The following GRIK2 variants were observed in gnomAD, a reference collection of about 807,000 sequenced individuals.
The protein encoded by GRIK2 is glutamate ionotropic receptor kainate type subunit 2.
Under a neutral mutation model 100.3 loss-of-function variants are expected in GRIK2, and 32 were observed. The ratio of observed to expected loss-of-function variants is 0.32; its 90% CI spans 0.24 to 0.43. GRIK2 has a LOEUF of 0.43. GRIK2 is among the 20% of genes least tolerant of loss of function. The pLI, the probability that GRIK2 is intolerant of heterozygous loss-of-function variation, is 1.00. For synonymous variants in GRIK2, 417 were observed against 389.4 expected, an observed-to-expected ratio of 1.07 and a Z score of -0.83; for missense variants, 843 against 1,114.9, an observed-to-expected ratio of 0.76 and a Z score of 3.47.
intron 2 of GRIK2, among the ~76,000 whole-genome samples, chr6:101,556,749 C>A (rs1240951974): frequency 2.6e-5 from 4 of 152,096 alleles, no homozygotes; most frequent in African/African-American, 9.7e-5. Flanking sequence ...ATATGGTAAG[C>A]ACCTGGCCAA....
chr6:101,903,614 C>T (rs974156269), intron 12 of GRIK2, among the ~76,000 whole-genome samples: 9 of 151,408 alleles, frequency 5.9e-5, no homozygotes, highest in South Asian at 2.1e-4. Flanking sequence ...TCAAATTTGC[C>T]GAACTAGTTT....
intron 7 of GRIK2, among the ~76,000 whole-genome samples, chr6:101,702,880 G>A (rs556952268): frequency 6.6e-6 from 1 of 151,944 alleles, no homozygotes; most frequent in African/African-American, 2.4e-5. Flanking sequence ...GCATCTGAGG[G>A]AAAGAAAAGG....
intron 4 of GRIK2, among the ~76,000 whole-genome samples, chr6:101,659,454 A>G (rs765145477): frequency 6.6e-6 from 1 of 152,120 alleles, no homozygotes; most frequent in Non-Finnish European, 1.5e-5. Context: ...GTATGCCATC[A>G]GCTTTGTTCT....
intron 4 of GRIK2, among the ~76,000 whole-genome samples, chr6:101,670,007 G>C (rs767432455): frequency 2.8e-4 from 42 of 152,096 alleles, no homozygotes; most frequent in Non-Finnish European, 5.3e-4. Flanking sequence ...GATGGAAAGT[G>C]AGAATTTAAA....
intron 2 of GRIK2, among the ~76,000 whole-genome samples, chr6:101,600,109 C>T (rs1310220489): frequency 2.6e-5 from 4 of 151,578 alleles, no homozygotes; most frequent in Non-Finnish European, 1.5e-5. Context: ...TAGTTTTATT[C>T]TTCATATAGC....
chr6:101,863,446 T>G (rs1784854125), intron 11 of GRIK2, among the ~76,000 whole-genome samples: 1 of 152,322 alleles, frequency 6.6e-6, no homozygotes, highest in Admixed American at 6.5e-5. Context: ...TGTGCCATTT[T>G]ATTCTTCTGA....
intron 2 of GRIK2, among the ~76,000 whole-genome samples, chr6:101,510,291 A>T (rs556919482): frequency 6.6e-6 from 1 of 152,062 alleles, no homozygotes; most frequent in Non-Finnish European, 1.5e-5. Flanking sequence ...AAGAGATGGG[A>T]GGCTTATCAT....
chr6:101,884,400 T>A (rs909868520), intron 11 of GRIK2, among the ~76,000 whole-genome samples: 2 of 152,150 alleles, frequency 1.3e-5, no homozygotes, highest in South Asian at 4.1e-4. Context: ...ATGCATAAGA[T>A]GTTTCACTGA....
At chr6:101,584,154 A>T (rs747512940) in intron 2 of GRIK2, among the ~76,000 whole-genome samples, 1 of 152,082 alleles carries the variant, frequency 6.6e-6, no homozygotes, top group Non-Finnish European at 1.5e-5. Flanking sequence ...TATTTATAAG[A>T]TAGAGAAATC....
At chr6:101,557,258 G>A (rs1403994595) in intron 2 of GRIK2, among the ~76,000 whole-genome samples, 1 of 152,050 alleles carries the variant, frequency 6.6e-6, no homozygotes, top group Non-Finnish European at 1.5e-5. Flanking sequence ...CAAGTACCAC[G>A]AAAATAACAG....
intron 7 of GRIK2, among the ~76,000 whole-genome samples, chr6:101,761,890 C>T (rs1317493548): frequency 7.9e-6 from 1 of 126,996 alleles, no homozygotes; most frequent in African/African-American, 3.4e-5. Flanking sequence ...TCCTTCCTTC[C>T]TCCCTTCTTT....
intron 2 of GRIK2, among the ~76,000 whole-genome samples, chr6:101,557,595 A>G (rs1484317933): frequency 6.6e-6 from 1 of 152,024 alleles, no homozygotes; most frequent in Non-Finnish European, 1.5e-5. Flanking sequence ...TGTCCATCCC[A>G]TTTTTAAATA....
chr6:101,648,641 A>T (rs150399500), intron 4 of GRIK2, among the ~76,000 whole-genome samples: 1 of 152,238 alleles, frequency 6.6e-6, no homozygotes, highest in Non-Finnish European at 1.5e-5. Context: ...GATAAACTAA[A>T]GATTGAATTC....
At chr6:101,688,349 G>C (rs1015692006) in intron 7 of GRIK2, among the ~76,000 whole-genome samples, 2 of 151,488 alleles carry the variant, frequency 1.3e-5, no homozygotes, top group East Asian at 3.9e-4. Context: ...ATTTTACTTT[G>C]GTACACTCTG....
intron 1 of GRIK2, among the ~76,000 whole-genome samples, chr6:101,397,441 G>C (rs1180071396): frequency 6.6e-6 from 1 of 152,232 alleles, no homozygotes; most frequent in African/African-American, 2.4e-5. Flanking sequence ...TTCCTTTTAA[G>C]GTGCTCGAAC....
intron 4 of GRIK2, among the ~76,000 whole-genome samples, chr6:101,671,447 T>C (rs1330445148): frequency 6.6e-6 from 1 of 152,194 alleles, no homozygotes; most frequent in African/African-American, 2.4e-5. Flanking sequence ...GTCTCTTTAC[T>C]ATTTAGTTTA....
chr6:101,635,780 G>A (rs547494418), intron 4 of GRIK2, among the ~76,000 whole-genome samples: 2 of 152,246 alleles, frequency 1.3e-5, no homozygotes, highest in African/African-American at 4.8e-5. Flanking sequence ...TTAGAGAAAT[G>A]CAAATCAAAA....
At chr6:101,550,272 G>A (rs1333869963) in intron 2 of GRIK2, among the ~76,000 whole-genome samples, 2 of 152,060 alleles carry the variant, frequency 1.3e-5, no homozygotes, top group East Asian at 1.9e-4. Flanking sequence ...TATCTTTTTA[G>A]TCTTTGGAAA....
At chr6:101,868,584 T>A (rs923151919) in intron 11 of GRIK2, among the ~76,000 whole-genome samples, 5 of 151,600 alleles carry the variant, frequency 3.3e-5, no homozygotes, top group African/African-American at 1.2e-4. Context: ...GTGGCTTTTT[T>A]AAAGGTGATA....
Sources: allele counts gnomAD v4.1 joint callset (sites outside exome capture counted in the v4.1 genomes callset), GRCh38; gene constraint gnomAD v4.1.1; transcripts MANE v1.5; gene names NCBI Gene and HGNC (gene_info 2026-07-23, HGNC 2026-07-21).